CDH8: variants seen among roughly 807,000 people sequenced by gnomAD.
CDH8 encodes the protein cadherin 8.
CDH8 carries 17 observed loss-of-function variants against 68.1 expected under a neutral mutation model. The observed-to-expected ratio is 0.25, with a 90% CI of 0.17 to 0.37. CDH8 has a LOEUF of 0.37. CDH8 is among the 10% of genes least tolerant of loss of function. The pLI is 1.00. For missense variants in CDH8, 763 were observed against 999.3 expected (o/e 0.76, Z 3.19); for synonymous variants, 372 against 365.1 (o/e 1.02, Z -0.21).
chr16:62,018,345 C>T (rs1305167440), intron 2 of CDH8, among the ~76,000 whole-genome samples: 2 of 152,152 alleles, frequency 1.3e-5, no homozygotes, highest in Non-Finnish European at 2.9e-5. Flanking sequence ...AGGTCAGAGG[C>T]GCCGCCATGG....
At chr16:61,811,231 GTGAA>G (rs1026925889) in intron 7 of CDH8, among the ~76,000 whole-genome samples, 9 of 152,072 alleles carry the variant, frequency 5.9e-5, no homozygotes, top group Non-Finnish European at 1.2e-4. Flanking sequence ...ATGAATTAAT[GTGAA>G]TGAATGAATG....
chr16:61,767,071 A>G (rs1321851337), intron 8 of CDH8, among the ~76,000 whole-genome samples: 1 of 151,990 alleles, frequency 6.6e-6, no homozygotes, highest in Non-Finnish European at 1.5e-5. Context: ...TTCATATTCT[A>G]AATGATATTT....
chr16:61,966,834 A>G (rs1032880303), intron 2 of CDH8, among the ~76,000 whole-genome samples: 3 of 152,208 alleles, frequency 2.0e-5, no homozygotes, highest in Non-Finnish European at 4.4e-5. Context: ...GCCCTGCACT[A>G]GAACCTTTAC....
At chr16:61,749,730 T>C (rs1960111302) in intron 8 of CDH8, among the ~76,000 whole-genome samples, 1 of 151,992 alleles carries the variant, frequency 6.6e-6, no homozygotes, top group South Asian at 2.1e-4. Flanking sequence ...GCTCTGAACT[T>C]CCAAGTTACC....
At position 61,865,946 on chromosome 16, in the gene CDH8, A is replaced by T. The variant is rs527456296; in HGVS notation, c.548-8708T>A. On this transcript the variant is annotated intron_variant, in intron 3 of 11. Coordinates refer to ENST00000577390, the MANE Select transcript of CDH8 (RefSeq NM_001796.5). ...TATGTGACAACTACAGCAGGTAGAA[A>T]TGTCATTCATCCTCTAATCCCAGCA... Among the ~76,000 whole-genome samples the T allele has an allele frequency of 6.3e-4, 96 of 152,300 alleles. No individual in the cohort carries two copies. In the South Asian group the frequency reaches 7.0e-3, roughly 11 times the overall value.
intron 1 of CDH8, among the ~76,000 whole-genome samples, chr16:62,025,327 T>C (rs1292079774): frequency 6.6e-6 from 1 of 152,144 alleles, no homozygotes; most frequent in Non-Finnish European, 1.5e-5. Context: ...TGATGGTCTC[T>C]ACAGAGTACA....
chr16:62,034,215 A>G (rs866931228), intron 1 of CDH8, among the ~76,000 whole-genome samples: 3 of 150,572 alleles, frequency 2.0e-5, no homozygotes, highest in Non-Finnish European at 4.4e-5. Context: ...ACACACACAC[A>G]CACGCACACG....
chr16:61,701,758 A>G (rs896127699), intron 10 of CDH8, among the ~76,000 whole-genome samples: 1 of 152,230 alleles, frequency 6.6e-6, no homozygotes, highest in African/African-American at 2.4e-5. Flanking sequence ...GGGCCACTCC[A>G]GGCCTTCTGA....
intron 3 of CDH8, among the ~76,000 whole-genome samples, chr16:61,877,950 C>T (rs933942176): frequency 6.6e-6 from 1 of 152,080 alleles, no homozygotes; most frequent in Non-Finnish European, 1.5e-5. Flanking sequence ...TGAAAAATTG[C>T]ACATAAGGGA....
At chr16:61,736,048 G>A (rs1394339412) in intron 8 of CDH8, among the ~76,000 whole-genome samples, 1 of 150,166 alleles carries the variant, frequency 6.7e-6, no homozygotes, top group Non-Finnish European at 1.5e-5. Context: ...ACTCCAGCCT[G>A]ATGACAGAGC....
At chr16:61,810,230 A>C (rs183397578) in intron 7 of CDH8, among the ~76,000 whole-genome samples, 11 of 152,272 alleles carry the variant, frequency 7.2e-5, no homozygotes, top group Admixed American at 7.2e-4. Flanking sequence ...TTTTGTTATT[A>C]TGCCTAAAGA....
chr16:61,958,761 A>T (rs1206983562), intron 2 of CDH8, among the ~76,000 whole-genome samples: 1 of 152,190 alleles, frequency 6.6e-6, no homozygotes, highest in Non-Finnish European at 1.5e-5. Flanking sequence ...ACTCTTGAAA[A>T]CATTCTCCAC....
At chr16:61,809,696 G>A (rs1961892814) in intron 7 of CDH8, among the ~76,000 whole-genome samples, 1 of 152,194 alleles carries the variant, frequency 6.6e-6, no homozygotes, top group African/African-American at 2.4e-5. Flanking sequence ...CAGTGCACTG[G>A]AATTTAGAGG....
intron 8 of CDH8, among the ~76,000 whole-genome samples, chr16:61,745,218 C>T (rs1959987371): frequency 6.6e-6 from 1 of 151,566 alleles, no homozygotes; most frequent in South Asian, 2.1e-4. Context: ...TCTCTGCCTT[C>T]CATAATTTAT....
At chr16:61,793,178 A>G (rs1232977607) in intron 7 of CDH8, among the ~76,000 whole-genome samples, 2 of 151,974 alleles carry the variant, frequency 1.3e-5, no homozygotes, top group Non-Finnish European at 2.9e-5. Flanking sequence ...GGCCCTTACC[A>G]GAATCCGATC....
intron 8 of CDH8, among the ~76,000 whole-genome samples, chr16:61,748,423 C>G (rs1055197147): frequency 6.6e-6 from 1 of 151,902 alleles, no homozygotes; most frequent in African/African-American, 2.4e-5. Flanking sequence ...GACTTTACAC[C>G]TACTGAGTGC....
rs4381593 is a variant in CDH8, at chr16:61,651,245, C to A, written c.*2363G>T. On this transcript the variant is annotated 3_prime_UTR_variant, in exon 12 of 12. Coordinates refer to ENST00000577390, the MANE Select transcript of CDH8 (RefSeq NM_001796.5). Reference sequence around the variant, plus strand: ...CTATTGGTTATTACTGCAACTACTACTAATAATTTACATTCACCAAGCACT... The same window carrying A: ...CTATTGGTTATTACTGCAACTACTAATAATAATTTACATTCACCAAGCACT... The A allele has an allele frequency of 2.0e-5, 3 of 151,930 alleles. No individual in the cohort carries two copies. In the East Asian group the frequency reaches 5.8e-4, roughly 29 times the overall value. The allele number at this position is 151,930 out of a possible 1,614,324, so 9.4% of individuals were successfully genotyped here.
chr16:61,811,285 A>G (rs1961942620), intron 7 of CDH8, among the ~76,000 whole-genome samples: 1 of 152,190 alleles, frequency 6.6e-6, no homozygotes, highest in South Asian at 2.1e-4. Context: ...ATTAATTACC[A>G]TTAGTTGAAT....
At chr16:61,696,824 CA>C (rs1184484304) in intron 10 of CDH8, among the ~76,000 whole-genome samples, 4 of 152,126 alleles carry the variant, frequency 2.6e-5, no homozygotes, top group Admixed American at 6.5e-5. Context: ...TTATCCTAAA[CA>C]AATCAACACA....
Sources: allele counts gnomAD v4.1 joint callset (sites outside exome capture counted in the v4.1 genomes callset), GRCh38; gene constraint gnomAD v4.1.1; transcripts MANE v1.5; gene names NCBI Gene and HGNC (gene_info 2026-07-23, HGNC 2026-07-21).